TRPM2: variants seen among roughly 807,000 people sequenced by gnomAD.
TRPM2 encodes estrogen-responsive element-associated gene 1 protein.
Under a neutral mutation model 174.0 loss-of-function variants are expected in TRPM2, and 161 were observed. The observed-to-expected ratio is 0.93, with a 90% CI of 0.81 to 1.05. The LOEUF is 1.05. Ranked by LOEUF, TRPM2 falls within the 50% of genes least tolerant of loss-of-function variation. The pLI, the probability that TRPM2 is intolerant of heterozygous loss-of-function variation, is 0.00. For synonymous variants in TRPM2, 954 were observed against 861.3 expected, an observed-to-expected ratio of 1.11 and a Z score of -1.88; for missense variants, 2,057 against 2,038.0, an observed-to-expected ratio of 1.01 and a Z score of -0.18.
At chr21:44,430,800 G>C (rs997114971) in intron 27 of TRPM2, among the ~76,000 whole-genome samples, 1 of 151,762 alleles carries the variant, frequency 6.6e-6, no homozygotes, top group African/African-American at 2.4e-5. Context: ...TTCTTCTTGG[G>C]TCCTTTTTAG....
chr21:44,370,670 G>T (rs111671335), intron 5 of TRPM2, among the ~76,000 whole-genome samples: 117 of 152,348 alleles, frequency 7.7e-4, no homozygotes, highest in African/African-American at 2.7e-3. Context: ...GCCCACGAGG[G>T]GCCCAGCAAG....
chr21:44,392,264 A>G (rs1016241559), intron 11 of TRPM2, among the ~76,000 whole-genome samples: 5 of 138,720 alleles, frequency 3.6e-5, no homozygotes, highest in African/African-American at 1.4e-4. Flanking sequence ...TGCCTTGTCT[A>G]TTTTTATGTT....
intron 19 of TRPM2, among the ~76,000 whole-genome samples, chr21:44,409,878 T>C (rs1159301218): frequency 7.0e-6 from 1 of 142,726 alleles, no homozygotes; most frequent in East Asian, 2.1e-4. Flanking sequence ...GGCGTAGACT[T>C]GTAGTAAGTT....
At chr21:44,377,164 C>T (rs1362799728) in intron 6 of TRPM2, among the ~76,000 whole-genome samples, 1 of 152,212 alleles carries the variant, frequency 6.6e-6, no homozygotes, top group Non-Finnish European at 1.5e-5. Context: ...ATGGGGGGCT[C>T]ACAGACAGAG....
intron 27 of TRPM2, 42 bp downstream of exon 27, chr21:44,427,153 G>T: frequency 6.7e-7 from 1 of 1,495,348 alleles, no homozygotes; most frequent in African/African-American, 1.4e-5. Context: ...CAGCCTTTGG[G>T]GTTTGCCTGG....
At position 44,399,394 on chromosome 21, in the gene TRPM2, G is replaced by C. The variant is rs140311913; in HGVS notation, c.2161G>C (p.Ala721Pro). The C allele has an allele frequency of 6.2e-7, 1 of 1,612,630 alleles. No individual in the cohort carries two copies. Among genetic ancestry groups the C allele is most frequent in the African/African-American group, 1.3e-5 (1 of 74,926 alleles). ...GGGGAAGACCACCTGCCTGCAGCTC[G>C]CCCTGGAGGCCAAGGACATGAAGTT... ...AWGKTTCLQL[A>P]LEAKDMKFVS... The change falls in exon 14 of 32, where the codon GCC becomes CCC. Residue 721 changes from alanine (A) to proline (P), a missense_variant. Physicochemically the swap from Ala to Pro is conservative, Grantham distance 27 (BLOSUM62 -1). Transcript: ENST00000397928. The surrounding 1 kb of genome is among the most constrained non-coding windows in gnomAD (Gnocchi z 4.6).
intron 27 of TRPM2, among the ~76,000 whole-genome samples, chr21:44,429,981 G>A (rs4818919): frequency 0.77 from 117,287 of 152,080 alleles, 45,329 homozygotes; most frequent in East Asian, 0.91. Context: ...ATTTGTCAGG[G>A]GCTGAATGCT....
chr21:44,424,642 C>T (rs984224074), intron 23 of TRPM2, among the ~76,000 whole-genome samples: 7 of 152,202 alleles, frequency 4.6e-5, no homozygotes, highest in Non-Finnish European at 8.8e-5. Flanking sequence ...CTTGGCAGCC[C>T]CCGGGGGGAG....
At chr21:44,429,803 G>C (rs1361583855) in intron 27 of TRPM2, among the ~76,000 whole-genome samples, 1 of 151,778 alleles carries the variant, frequency 6.6e-6, no homozygotes, top group African/African-American at 2.4e-5. Context: ...TTGCCTTATT[G>C]TGCTGGGTAA....
At chr21:44,363,526 G>A (rs1053410141) in intron 2 of TRPM2, among the ~76,000 whole-genome samples, 3 of 152,018 alleles carry the variant, frequency 2.0e-5, no homozygotes, top group Non-Finnish European at 4.4e-5. Flanking sequence ...TTTGCATTTG[G>A]TATATCTTCT....
rs1785452 is a variant in TRPM2, at chr21:44,417,907, T to C, written c.3147-20T>C. On this transcript the variant is annotated intron_variant, in intron 20 of 31. Coordinates refer to ENST00000397928, the MANE Select transcript of TRPM2 (RefSeq NM_003307.4). ...GGTAAACACCCTGACCTCGAGGTGT[T>C]GCTTTCTCCTCCCTGACAGCTACAC... 0.75 allele frequency: 1,193,663 copies of C among 1,602,140 alleles called. 447,202 individuals carry two copies. The highest frequency in any genetic ancestry group is 0.77 in the Admixed American group (46,188 of 59,600).
At chr21:44,420,980 C>T (rs1389303734) in intron 22 of TRPM2, among the ~76,000 whole-genome samples, 1 of 152,200 alleles carries the variant, frequency 6.6e-6, no homozygotes, top group Non-Finnish European at 1.5e-5. Flanking sequence ...CAGGCCCCAG[C>T]AACTTTGCAG....
At position 44,411,479 on chromosome 21, in the gene TRPM2, T is replaced by C. The variant is rs189147804; in HGVS notation, c.2963-2412T>C. On this transcript the variant is annotated intron_variant, in intron 19 of 31. Transcript: ENST00000397928. ...ACCTTGCTAAACTTCTTTATTACTT[T>C]TAATAGTTTTTTAGTGGATTTGTCA... is the stretch of plus-strand genomic sequence containing the variant. Among the ~76,000 whole-genome samples the C allele has an allele frequency of 3.6e-3, 547 of 152,298 alleles. 4 individuals carry two copies. The highest frequency in any genetic ancestry group is 0.02 in the Middle Eastern group (6 of 294).
intron 8 of TRPM2, 30 bp downstream of exon 8, chr21:44,379,227 C>T (rs1053263754): frequency 2.5e-6 from 4 of 1,604,516 alleles, no homozygotes; most frequent in Non-Finnish European, 3.4e-6. Context: ...CGGTCACCAG[C>T]ATGTGGCTGC....
upstream of TRPM2, among the ~76,000 whole-genome samples, chr21:44,351,742 C>T (rs997942513): frequency 6.6e-6 from 1 of 152,182 alleles, no homozygotes; most frequent in African/African-American, 2.4e-5. Flanking sequence ...GCCATTGGCC[C>T]CCCCACAGCG....
chr21:44,409,205 A>G (rs2146312068), intron 19 of TRPM2, among the ~76,000 whole-genome samples: 1 of 152,246 alleles, frequency 6.6e-6, no homozygotes, highest in South Asian at 2.1e-4. Flanking sequence ...GTCCTAGCGA[A>G]AACCATTGCC....
Position 44,399,400 on chromosome 21 carries a change from G to C in TRPM2, c.2167G>C (p.Glu723Gln). The part of the protein sequence containing the change: ...GKTTCLQLAL[E>Q]AKDMKFVSHG... ...GACCACCTGCCTGCAGCTCGCCCTG[G>C]AGGCCAAGGACATGAAGTTTGTGTC... Residue 723 changes from glutamate to glutamine, a missense_variant, in exon 14 of 32, where the codon GAG (glutamate) becomes CAG (glutamine). Coordinates refer to ENST00000397928, the MANE Select transcript of TRPM2 (RefSeq NM_003307.4). The surrounding 1 kb of genome is among the most constrained non-coding windows in gnomAD (Gnocchi z 4.6). 6.2e-7 allele frequency: 1 copy of C among 1,612,760 alleles called. No individual in the cohort carries two copies. Among genetic ancestry groups the C allele is most frequent in the South Asian group, 1.1e-5 (1 of 91,066 alleles).
chr21:44,362,766 T>A (rs114639973), intron 2 of TRPM2, among the ~76,000 whole-genome samples: 3,942 of 152,190 alleles, frequency 0.026, 136 homozygotes, highest in African/African-American at 0.077. Context: ...ACTTCCTGTC[T>A]TTTCTGAGGT....
chr21:44,423,289 C>G (rs745765724), intron 22 of TRPM2: 1 of 301,788 alleles, frequency 3.3e-6, no homozygotes, highest in Admixed American at 4.2e-5. Flanking sequence ...CGCCACATCA[C>G]CCCCAAAACA....
Sources: allele counts gnomAD v4.1 joint callset (sites outside exome capture counted in the v4.1 genomes callset), GRCh38; gene constraint gnomAD v4.1.1; non-coding constraint Gnocchi (gnomAD v3.1); transcripts MANE v1.5; gene names NCBI Gene and HGNC (gene_info 2026-07-23, HGNC 2026-07-21).